MAPK6: variants seen among roughly 807,000 people sequenced by gnomAD.
MAPK6 encodes ERK-3.
Under a neutral mutation model 59.3 loss-of-function variants are expected in MAPK6, and 19 were observed. The ratio of observed to expected loss-of-function variants is 0.32; its 90% CI spans 0.22 to 0.47. MAPK6 has a LOEUF of 0.47. Among genes scored for constraint, MAPK6 ranks in the 20% least tolerant of loss-of-function variants. The pLI is 1.00. For missense variants in MAPK6, 724 were observed against 847.9 expected (o/e 0.85, Z 1.81); for synonymous variants, 316 against 290.3 (o/e 1.09, Z -0.90).
chr15:52,004,785 C>T lies in MAPK6; in HGVS notation c.-632+383C>T, dbSNP rs796153611. Among the ~76,000 whole-genome samples the T allele has an allele frequency of 7.9e-5, 12 of 152,274 alleles. No homozygotes were observed. In the East Asian group the frequency reaches 1.9e-3, roughly 24 times the overall value. ...ATTCATGAGAGTGGAGCCCCCATGA[C>T]CTAAACACCTCCAATTAGGCCCCAC... On this transcript the variant is annotated intron_variant, in intron 3 of 7. Coordinates refer to the MAPK6 transcript ENST00000691380.
chr15:51,996,168 G>A (rs1216244840), intron 2 of MAPK6, among the ~76,000 whole-genome samples: 1 of 152,146 alleles, frequency 6.6e-6, no homozygotes, highest in Non-Finnish European at 1.5e-5. Context: ...CATTCAAGCA[G>A]ATCCTCAGAG....
chr15:51,988,900 C>T (rs2057199711), intron 2 of MAPK6, among the ~76,000 whole-genome samples: 1 of 152,092 alleles, frequency 6.6e-6, no homozygotes, highest in Non-Finnish European at 1.5e-5. Flanking sequence ...CTCCTTCAGC[C>T]TCTGGTGGCT....
intron 1 of MAPK6, among the ~76,000 whole-genome samples, chr15:52,043,320 C>T (rs961714796): frequency 2.6e-5 from 4 of 151,870 alleles, no homozygotes; most frequent in African/African-American, 9.7e-5. Context: ...TTTTTTGAGA[C>T]GGAATCTTGC....
At chr15:52,036,269 G>C (rs1365860140) in intron 1 of MAPK6, among the ~76,000 whole-genome samples, 1 of 152,232 alleles carries the variant, frequency 6.6e-6, no homozygotes, top group Non-Finnish European at 1.5e-5. Context: ...TGTAGCCACA[G>C]ATCCTGGAGT....
chr15:52,030,138 C>T (rs192998851), intron 1 of MAPK6, among the ~76,000 whole-genome samples: 2 of 152,238 alleles, frequency 1.3e-5, no homozygotes, highest in African/African-American at 4.8e-5. Flanking sequence ...TTGTTGTTTC[C>T]TCTGTTAGGA....
intron 1 of MAPK6, among the ~76,000 whole-genome samples, chr15:52,025,123 C>T (rs2030716826): frequency 1.3e-5 from 2 of 152,042 alleles, no homozygotes; most frequent in Non-Finnish European, 2.9e-5. Context: ...CACCTTTAGT[C>T]CCAGCTACTT....
intron 1 of MAPK6, among the ~76,000 whole-genome samples, chr15:51,979,221 A>T (rs1449631945): frequency 8.3e-6 from 1 of 120,954 alleles, no homozygotes; most frequent in East Asian, 2.3e-4. Flanking sequence ...GAAAGAAAAA[A>T]AGAGAAAGAA....
At chr15:52,019,185 T>C (rs1181372742), upstream of MAPK6, 6 of 147,804 alleles carry the variant, frequency 4.1e-5, no homozygotes, top group African/African-American at 7.3e-5. Flanking sequence ...GCCTGTGACG[T>C]GAGGGGGCGT....
intron 3 of MAPK6, chr15:52,004,464 CT>C (rs1281330630): frequency 6.6e-6 from 1 of 152,176 alleles, no homozygotes; most frequent in African/African-American, 2.4e-5. Flanking sequence ...ATAGTTGCCC[CT>C]GTTTCCCTTT....
chr15:51,998,169 C>T (rs1464535529), intron 2 of MAPK6, among the ~76,000 whole-genome samples: 1 of 151,788 alleles, frequency 6.6e-6, no homozygotes, highest in African/African-American at 2.4e-5. Context: ...GTCGCGATCG[C>T]CTGACCTCGT....
intron 2 of MAPK6, among the ~76,000 whole-genome samples, chr15:51,985,058 C>T (rs1019944064): frequency 2.0e-5 from 3 of 152,094 alleles, no homozygotes; most frequent in African/African-American, 7.2e-5. Flanking sequence ...TAACATATTG[C>T]CAGGCAAAAA....
At chr15:52,007,910 G>A (rs1595966007) in intron 3 of MAPK6, among the ~76,000 whole-genome samples, 1 of 148,898 alleles carries the variant, frequency 6.7e-6, no homozygotes, top group African/African-American at 2.5e-5. Flanking sequence ...GCAATGGTGT[G>A]ATCTTGGCTC....
intron 3 of MAPK6, among the ~76,000 whole-genome samples, chr15:52,010,682 C>G (rs2030030056): frequency 6.6e-6 from 1 of 152,078 alleles, no homozygotes; most frequent in African/African-American, 2.4e-5. Context: ...CCAGGCCAGG[C>G]TAATTTTTGT....
intron 4 of MAPK6, among the ~76,000 whole-genome samples, chr15:52,059,027 A>C (rs1008607544): frequency 6.6e-6 from 1 of 152,214 alleles, no homozygotes; most frequent in Admixed American, 6.5e-5. Flanking sequence ...GCAAGTAGCA[A>C]GTATTTTGAA....
chr15:51,971,860 T>G, exon 1 of MAPK6: 1 of 1,122,688 alleles, frequency 8.9e-7, no homozygotes, highest in Non-Finnish European at 1.3e-6. Flanking sequence ...ACTCCTTTCC[T>G]TACGTGACCT....
rs114123009 is a variant in MAPK6 at position 52,067,364 on chromosome 15, A to G, written c.*2364A>G. 2.0e-5 allele frequency: 3 copies of G among 152,206 alleles called. No homozygotes were observed. Among genetic ancestry groups the G allele is most frequent in the Admixed American group, 6.5e-5 (1 of 15,276 alleles). The allele number at this position is 152,206 out of a possible 1,614,324, so 9.4% of individuals were successfully genotyped here. A position where few individuals can be genotyped will look rare whatever the true frequency, so the allele number is the denominator to read the frequency against. On this transcript the variant is annotated 3_prime_UTR_variant, in exon 6 of 6. Coordinates refer to ENST00000261845, the MANE Select transcript of MAPK6 (RefSeq NM_002748.4). ...AAAGTCAATTTCCAATAAAAATTTT[A>G]TGTGCCAATTACTTTGTCTCCACTT...
intron 2 of MAPK6, among the ~76,000 whole-genome samples, chr15:52,002,534 G>A (rs2057245011): frequency 6.6e-6 from 1 of 152,208 alleles, no homozygotes; most frequent in South Asian, 2.1e-4. Flanking sequence ...CGACATCTGT[G>A]AATGGCAGGG....
At chr15:52,060,248 C>T (rs1429773105) in intron 4 of MAPK6, among the ~76,000 whole-genome samples, 1 of 152,100 alleles carries the variant, frequency 6.6e-6, no homozygotes, top group Non-Finnish European at 1.5e-5. Flanking sequence ...TTAAAATTAT[C>T]TTTCTAAAGA....
chr15:52,057,600 A>G (rs916238730), intron 3 of MAPK6, among the ~76,000 whole-genome samples: 3 of 151,794 alleles, frequency 2.0e-5, no homozygotes, highest in Non-Finnish European at 4.4e-5. Flanking sequence ...GCTAGAGTGC[A>G]GTGACATGAT....
Sources: gnomAD v4.1 joint callset for allele counts (sites outside exome capture counted in the v4.1 genomes callset) on GRCh38, gnomAD v4.1.1 for gene constraint, MANE v1.5 for transcripts, NCBI Gene and HGNC (gene_info 2026-07-23, HGNC 2026-07-21) for gene names.